The following PLA1A variants were observed in gnomAD, a reference collection of about 807,000 sequenced individuals.
PLA1A encodes phosphatidylserine-specific phospholipase A1alpha.
In PLA1A, 47 loss-of-function variants were observed where a neutral mutation model predicts 49.4. The observed-to-expected ratio is 0.95, with a 90% CI of 0.75 to 1.21. The LOEUF (loss-of-function observed/expected upper bound fraction) is 1.21, where lower values mean the gene tolerates loss of function less well. Ranked by LOEUF, PLA1A falls within the 50% of genes most tolerant of loss-of-function variation. The probability of loss-of-function intolerance (pLI) is 0.00; values close to 1 mark genes in which losing one functional copy is unlikely to be tolerated. For missense variants in PLA1A, 561 were observed against 563.9 expected (o/e 0.99, Z 0.05); for synonymous variants, 224 against 207.9 (o/e 1.08, Z -0.67).
intron 1 of PLA1A, among the ~76,000 whole-genome samples, chr3:119,604,185 C>T (rs1471351471): frequency 4.6e-5 from 7 of 152,094 alleles, no homozygotes; most frequent in African/African-American, 1.4e-4. Context: ...ATGGAGAATA[C>T]GATGGAGGCT....
chr3:119,618,877 C>T (rs1326290418), intron 7 of PLA1A, among the ~76,000 whole-genome samples: 1 of 152,166 alleles, frequency 6.6e-6, no homozygotes, highest in Non-Finnish European at 1.5e-5. Flanking sequence ...CCTGTCACTG[C>T]TTATATGAGT....
chr3:119,624,883 G>A (rs555319109), intron 8 of PLA1A, among the ~76,000 whole-genome samples: 43 of 152,228 alleles, frequency 2.8e-4, no homozygotes, highest in African/African-American at 8.9e-4. Flanking sequence ...CACTCGCCTC[G>A]GCCTCCCAAA....
At chr3:119,611,106 TG>T (rs1407584810) in intron 4 of PLA1A, among the ~76,000 whole-genome samples, 1 of 152,216 alleles carries the variant, frequency 6.6e-6, no homozygotes, top group Non-Finnish European at 1.5e-5. Flanking sequence ...TTGTCAACTT[TG>T]TCAAAGGTCT....
At chr3:119,612,924 T>G in intron 4 of PLA1A, 93 bp from the exon 5 acceptor site, 4 of 770,666 alleles carry the variant, frequency 5.2e-6, no homozygotes, top group Non-Finnish European at 8.3e-6. Context: ...GGAGGGTCTA[T>G]GATCTGCACT....
intron 6 of PLA1A, among the ~76,000 whole-genome samples, chr3:119,617,444 C>G (rs1383746919): frequency 6.6e-6 from 1 of 151,872 alleles, no homozygotes; most frequent in African/African-American, 2.4e-5. Flanking sequence ...TTTGCATGAT[C>G]ATATAATCCA....
chr3:119,608,673 G>T (rs1399121221), intron 2 of PLA1A, 97 bp from the exon 3 acceptor site: 6 of 946,902 alleles, frequency 6.3e-6, no homozygotes, highest in Non-Finnish European at 8.2e-6. Flanking sequence ...CTCTAGTTTT[G>T]ATTTCTTTTC....
chr3:119,618,265 G>C lies in PLA1A; in HGVS notation c.922+79G>C. 3.4e-6 allele frequency: 4 copies of C among 1,188,134 alleles called. No homozygotes were observed. The South Asian group carries it at 5.8e-5, about 17-fold the overall frequency. The allele number at this position is 1,188,134 out of a possible 1,614,324, so 73.6% of individuals were successfully genotyped here. ...GCTAGTTGTCCCCTCTTAATGTCCT[G>C]ATGTCCTATGGTCAAGAATTCTATC... On this transcript the variant is annotated intron_variant, in intron 7 of 10. Coordinates refer to ENST00000273371, the MANE Select transcript of PLA1A (RefSeq NM_015900.4).
At chr3:119,622,144 G>A (rs58739846) in intron 8 of PLA1A, among the ~76,000 whole-genome samples, 123 of 141,712 alleles carry the variant, frequency 8.7e-4, no homozygotes, top group African/African-American at 3.3e-3. Context: ...AGAGGAGGAG[G>A]AGGAGGAAGA....
intron 6 of PLA1A, 84 bp from the exon 7 acceptor site, chr3:119,617,935 A>G: frequency 9.2e-7 from 1 of 1,086,536 alleles, no homozygotes; most frequent in Non-Finnish European, 1.3e-6. Flanking sequence ...TTGCTGGAAT[A>G]TAAAATTCAA....
chr3:119,622,149 G>GGAGGAAGAA (rs1382702046), intron 8 of PLA1A, among the ~76,000 whole-genome samples: 5 of 126,236 alleles, frequency 4.0e-5, no homozygotes, highest in African/African-American at 1.5e-4. Flanking sequence ...AGGAGGAGGA[G>GGAGGAAGAA]GAAGAAGAAG....
intron 6 of PLA1A, among the ~76,000 whole-genome samples, chr3:119,616,758 T>G (rs747349234): frequency 2.0e-5 from 3 of 152,272 alleles, no homozygotes; most frequent in Non-Finnish European, 4.4e-5. Flanking sequence ...TTTACCAAAT[T>G]TACTAGTTTT....
Position 119,629,506 on chromosome 3 carries a change from T to TTTC in PLA1A, c.*40_*41insCTT, listed in dbSNP as rs757193910. 16 of 1,193,456 alleles carry TTTC rather than the reference T, an allele frequency of 1.3e-5. No individual in the cohort carries two copies. Among genetic ancestry groups the TTTC allele is most frequent in the Non-Finnish European group, 1.9e-5 (15 of 799,628 alleles). 73.9% of individuals were successfully genotyped at this position (1,193,456 alleles called of 1,614,324 possible). A position where few individuals can be genotyped will look rare whatever the true frequency, so the allele number is the denominator to read the frequency against. On this transcript the variant is annotated 3_prime_UTR_variant, in exon 11 of 11. Coordinates refer to ENST00000273371, the MANE Select transcript of PLA1A (RefSeq NM_015900.4). ...AGGACACATCTCCCTGCATTTTTTT[T>TTTC]TTTTTTTTGAGAGAGAGGTGTGATG...
At chr3:119,603,785 T>G (rs1237596117) in intron 1 of PLA1A, among the ~76,000 whole-genome samples, 1 of 152,238 alleles carries the variant, frequency 6.6e-6, no homozygotes, top group African/African-American at 2.4e-5. Flanking sequence ...TGCCTATGAA[T>G]GAAGCAAGGC....
intron 10 of PLA1A, 92 bp downstream of exon 10, chr3:119,628,957 C>T (rs748148877): frequency 7.7e-5 from 76 of 990,432 alleles, no homozygotes; most frequent in Admixed American, 3.9e-4. Flanking sequence ...GGTTCAATCT[C>T]ATCATAGTGA....
intron 10 of PLA1A, 32 bp downstream of exon 10, chr3:119,628,897 G>T (rs1011288410): frequency 1.3e-6 from 2 of 1,576,494 alleles, no homozygotes; most frequent in Non-Finnish European, 1.7e-6. Flanking sequence ...TGCACCAGAT[G>T]CACTCACACA....
chr3:119,626,748 T>A (rs770495997), intron 9 of PLA1A, among the ~76,000 whole-genome samples: 7 of 152,184 alleles, frequency 4.6e-5, no homozygotes, highest in Non-Finnish European at 1.0e-4. Flanking sequence ...CCCAAAACCG[T>A]GGCCACTAGC....
intron 1 of PLA1A, chr3:119,598,662 T>A (rs1577132206): frequency 6.6e-6 from 1 of 152,228 alleles, no homozygotes; most frequent in Non-Finnish European, 1.5e-5. Flanking sequence ...CTCCCTCTAC[T>A]CACAATAGCA....
chr3:119,624,098 T>A (rs1488331133), intron 8 of PLA1A, among the ~76,000 whole-genome samples: 1 of 152,174 alleles, frequency 6.6e-6, no homozygotes, highest in Non-Finnish European at 1.5e-5. Context: ...ACTGGGTAAC[T>A]TACAAAGCTC....
At chr3:119,605,364 T>C (rs1389622076) in intron 1 of PLA1A, among the ~76,000 whole-genome samples, 2 of 152,214 alleles carry the variant, frequency 1.3e-5, no homozygotes, top group African/African-American at 2.4e-5. Context: ...GAAGGCCTCA[T>C]GGCTTGAGGT....
Sources: allele counts gnomAD v4.1 joint callset (sites outside exome capture counted in the v4.1 genomes callset), GRCh38; gene constraint gnomAD v4.1.1; transcripts MANE v1.5; gene names NCBI Gene and HGNC (gene_info 2026-07-23, HGNC 2026-07-21).